The following SLIT2 variants were observed in gnomAD, a reference collection of about 807,000 sequenced individuals.
SLIT2 encodes the protein slit guidance ligand 2, also known as slit homolog 2 protein.
Under a neutral mutation model 185.7 loss-of-function variants are expected in SLIT2, and 41 were observed. The ratio of observed to expected loss-of-function variants is 0.22; its 90% CI spans 0.17 to 0.29. The LOEUF (loss-of-function observed/expected upper bound fraction) is 0.29, where lower values mean the gene tolerates loss of function less well. Among genes scored for constraint, SLIT2 ranks in the 10% least tolerant of loss-of-function variants. SLIT2 has a pLI of 1.00. For missense variants in SLIT2, 1,571 were observed against 1,909.0 expected, an observed-to-expected ratio of 0.82 and a Z score of 3.30; for synonymous variants, 693 against 680.2, an observed-to-expected ratio of 1.02 and a Z score of -0.29.
rs181031584 is a variant in SLIT2, at chr4:20,378,241, T to A, written c.396-89511T>A. ...AGGTGACACTGTTTAGTAACATACA[T>A]TTGCAAGTTTCACATAATAGAAAAA... On this transcript the variant is annotated intron_variant, in intron 4 of 36. Transcript: ENST00000504154. Among the ~76,000 whole-genome samples the A allele has an allele frequency of 8.5e-5, 13 of 152,272 alleles. No individual in the cohort carries two copies. The East Asian group carries it at 2.5e-3, about 29-fold the overall frequency.
chr4:20,561,401 A>G (rs577770760), intron 26 of SLIT2, among the ~76,000 whole-genome samples: 1 of 151,856 alleles, frequency 6.6e-6, no homozygotes, highest in African/African-American at 2.4e-5. Flanking sequence ...TTTCTTAGCA[A>G]GTTGATGTTT....
chr4:20,433,198 G>A (rs1409593678), intron 4 of SLIT2, among the ~76,000 whole-genome samples: 3 of 152,186 alleles, frequency 2.0e-5, no homozygotes, highest in Non-Finnish European at 4.4e-5. Flanking sequence ...CCTTTGGCTT[G>A]GTATGGGCAC....
intron 4 of SLIT2, among the ~76,000 whole-genome samples, chr4:20,383,822 C>A (rs185672878): frequency 4.9e-4 from 75 of 152,248 alleles, no homozygotes; most frequent in Non-Finnish European, 9.7e-4. Context: ...CCTGCCTCAG[C>A]CTCCAGTGTA....
intron 16 of SLIT2, among the ~76,000 whole-genome samples, chr4:20,531,611 C>A (rs995584108): frequency 8.6e-5 from 13 of 152,022 alleles, no homozygotes; most frequent in Non-Finnish European, 1.5e-5. Context: ...GGTTTGCATT[C>A]TAATAAAGCT....
Position 20,307,270 on chromosome 4 carries a change from C to CCTTCCTTCCTT in SLIT2, c.395+38390_395+38400dup, listed in dbSNP as rs1181340011. Among the ~76,000 whole-genome samples, 17 of 147,312 alleles carry CCTTCCTTCCTT rather than the reference C, an allele frequency of 1.2e-4. No individual in the cohort carries two copies. The East Asian group carries it at 3.4e-3, about 29-fold the overall frequency. On this transcript the variant is annotated intron_variant, in intron 4 of 36. Coordinates refer to ENST00000504154, the MANE Select transcript of SLIT2 (RefSeq NM_004787.4). ...TCCTTCCTTCCTTCCTTCCTTCCTTCCTTCCTTCCTTAAACTAAGGGTCTC... is the reference window on the plus strand; with the variant it reads ...TCCTTCCTTCCTTCCTTCCTTCCTTCCTTCCTTCCTTCTTCCTTCCTTAAACTAAGGGTCTC...
At chr4:20,380,279 C>T (rs147550453) in intron 4 of SLIT2, among the ~76,000 whole-genome samples, 1,981 of 152,224 alleles carry the variant, frequency 0.013, 14 homozygotes, top group Non-Finnish European at 0.019. Flanking sequence ...AATGAATAAA[C>T]AAATCCAAAT....
At chr4:20,406,985 A>C (rs1726826353) in intron 4 of SLIT2, among the ~76,000 whole-genome samples, 1 of 152,150 alleles carries the variant, frequency 6.6e-6, no homozygotes, top group Non-Finnish European at 1.5e-5. Flanking sequence ...ATAAACAAAT[A>C]TTGCTACATA....
At position 20,409,603 on chromosome 4, in the gene SLIT2, G is replaced by C. The variant is rs528242548; in HGVS notation, c.396-58149G>C. Among the ~76,000 whole-genome samples, 8 of 152,198 alleles carry C rather than the reference G, an allele frequency of 5.3e-5. 1 individual carries two copies. Among genetic ancestry groups the C allele is most frequent in the African/African-American group, 1.9e-4 (8 of 41,524 alleles). ...TATATACCCAGTCATGGGATTTCTG[G>C]GTCAAATGGTATTTCTGCCTCTAGG... On this transcript the variant is annotated intron_variant, in intron 4 of 36. Transcript: ENST00000504154.
Position 20,520,164 on chromosome 4 carries a change from T to C in SLIT2, c.1130+711T>C, listed in dbSNP as rs192774483. ...GTGTGCGGTGAGCTGTAACACACAA[T>C]AGTCCTCAGACTAAACCTTTAGAGA... is the stretch of plus-strand genomic sequence containing the variant. On this transcript the variant is annotated intron_variant, in intron 12 of 36. Transcript: ENST00000504154. 7.0e-4 allele frequency among the ~76,000 whole-genome samples: 106 copies of C among 150,380 alleles called. 1 individual carries two copies. The highest frequency in any genetic ancestry group is 1.2e-3 in the Non-Finnish European group (79 of 67,662).
At position 20,589,700 on chromosome 4, in the gene SLIT2, C is replaced by T; in HGVS notation, c.3145C>T (p.His1049Tyr). The T allele has an allele frequency of 1.9e-6, 3 of 1,613,850 alleles. No homozygotes were observed. Among genetic ancestry groups the T allele is most frequent in the East Asian group, 2.2e-5 (1 of 44,844 alleles). ...FCAQDLNPCQHDSKCILTPKG... is the reference protein window; with the variant it reads ...FCAQDLNPCQYDSKCILTPKG... ...TGCCCAGGACCTGAACCCCTGCCAG[C>T]ACGATTCAAAGTGCATCCTAACTCC... is the stretch of plus-strand genomic sequence containing the variant. Residue 1049 changes from histidine (H) to tyrosine (Y), a missense_variant, in exon 30 of 37, where the codon CAC becomes TAC. His to Tyr is a moderately conservative substitution (Grantham distance 83, BLOSUM62 2). This residue lies in a region of SLIT2 where 1,202 missense variants were observed against 1,416.4 expected (regional missense o/e 0.85). Coordinates refer to ENST00000504154, the MANE Select transcript of SLIT2 (RefSeq NM_004787.4).
intron 4 of SLIT2, among the ~76,000 whole-genome samples, chr4:20,407,658 A>G (rs1262857084): frequency 2.6e-5 from 4 of 152,236 alleles, no homozygotes; most frequent in Non-Finnish European, 5.9e-5. Flanking sequence ...CAGAAGGCCA[A>G]GGGATATAAT....
intron 4 of SLIT2, among the ~76,000 whole-genome samples, chr4:20,409,041 A>G (rs899859367): frequency 6.6e-6 from 1 of 151,444 alleles, no homozygotes; most frequent in African/African-American, 2.4e-5. Flanking sequence ...ACTGCAGCTC[A>G]CGAAAGCTGC....
At chr4:20,429,540 T>C (rs571943865) in intron 4 of SLIT2, among the ~76,000 whole-genome samples, 1 of 152,280 alleles carries the variant, frequency 6.6e-6, no homozygotes, top group East Asian at 1.9e-4. Context: ...ACAAATAAAT[T>C]TTTAAGAGGC....
At chr4:20,321,274 G>A (rs1223265854) in intron 4 of SLIT2, among the ~76,000 whole-genome samples, 1 of 152,160 alleles carries the variant, frequency 6.6e-6, no homozygotes, top group Non-Finnish European at 1.5e-5. Context: ...TCAGTCATTG[G>A]ATAGTCAATT....
chr4:20,334,179 A>G (rs2109209523), intron 4 of SLIT2, among the ~76,000 whole-genome samples: 1 of 152,334 alleles, frequency 6.6e-6, no homozygotes, highest in Admixed American at 6.5e-5. Flanking sequence ...GGAAAAGATT[A>G]TGTTGCACTG....
Position 20,254,933 on chromosome 4 carries a change from A to G in SLIT2, c.179+939A>G, listed in dbSNP as rs1711626005. On this transcript the variant is annotated intron_variant, in intron 1 of 36. Coordinates refer to ENST00000504154, the MANE Select transcript of SLIT2 (RefSeq NM_004787.4). The surrounding 1 kb of genome is among the most constrained non-coding windows in gnomAD (Gnocchi z 5.1). ...CGCCTCCCTGTCTTTGCGAGTCTCT[A>G]ATGAAGAAGTAAATGCAGACCCGGT... 3 of 456,150 alleles carry G rather than the reference A, an allele frequency of 6.6e-6. No individual in the cohort carries two copies. The highest frequency in any genetic ancestry group is 1.3e-5 in the Non-Finnish European group (3 of 226,948). The allele number at this position is 456,150 out of a possible 1,614,324, so 28.3% of individuals were successfully genotyped here. A position where few individuals can be genotyped will look rare whatever the true frequency, so the allele number is the denominator to read the frequency against.
Position 20,351,319 on chromosome 4 carries a change from G to T in SLIT2, c.395+82438G>T, listed in dbSNP as rs149108930. Reference sequence around the variant, plus strand: ...CCGCCTCGGCCTGCCAAAGTGCTGGGATTACAGGCATGAGCCACCACACCC... The same window carrying T: ...CCGCCTCGGCCTGCCAAAGTGCTGGTATTACAGGCATGAGCCACCACACCC... On this transcript the variant is annotated intron_variant, in intron 4 of 36. Transcript: ENST00000504154. Among the ~76,000 whole-genome samples the T allele has an allele frequency of 9.3e-4, 141 of 152,240 alleles. 1 individual carries two copies. The highest frequency in any genetic ancestry group is 3.2e-3 in the African/African-American group (131 of 41,556).
chr4:20,405,325 A>G (rs1168987734), intron 4 of SLIT2, among the ~76,000 whole-genome samples: 1 of 151,992 alleles, frequency 6.6e-6, no homozygotes, highest in Admixed American at 6.6e-5. Context: ...ATTTATGTGA[A>G]ACTGTTGAAG....
rs551054314 is a variant in SLIT2 at position 20,536,568 on chromosome 4, A to C, written c.1832+2853A>C. Among the ~76,000 whole-genome samples, 49 of 151,000 alleles carry C rather than the reference A, an allele frequency of 3.2e-4. No individual in the cohort carries two copies. The South Asian group carries it at 3.3e-3, about 10-fold the overall frequency. ...AGTGAAACTCTGTCGCAAAAAAAAA[A>C]AAAAAAAAAAACAAAAACCACTGTA... On this transcript the variant is annotated intron_variant, in intron 18 of 36. Coordinates refer to ENST00000504154, the MANE Select transcript of SLIT2 (RefSeq NM_004787.4).
Sources: allele counts gnomAD v4.1 joint callset (sites outside exome capture counted in the v4.1 genomes callset), GRCh38; gene constraint gnomAD v4.1.1; regional missense constraint gnomAD v4.1.1; non-coding constraint Gnocchi (gnomAD v3.1); transcripts MANE v1.5; gene names NCBI Gene and HGNC (gene_info 2026-07-23, HGNC 2026-07-21).